Variants in PFKFB3 observed in about 807,000 individuals in gnomAD.
PFKFB3 encodes the protein 6-phosphofructo-2-kinase/fructose-2,6-biphosphatase 3, also known as 6-phosphofructo-2-kinase/fructose-2,6-bisphosphatase 3.
Under a neutral mutation model 68.0 loss-of-function variants are expected in PFKFB3, and 33 were observed. The ratio of observed to expected loss-of-function variants is 0.49; its 90% CI spans 0.37 to 0.65. The LOEUF (loss-of-function observed/expected upper bound fraction) is 0.65. Among genes scored for constraint, PFKFB3 ranks in the 30% least tolerant of loss-of-function variants. The pLI is 0.00. For synonymous variants in PFKFB3, 315 were observed against 288.2 expected (o/e 1.09, Z -0.94); for missense variants, 586 against 712.2 (o/e 0.82, Z 2.02).
chr10:6,235,602 C>G (rs569932565), downstream of PFKFB3: 2 of 152,222 alleles, frequency 1.3e-5, no homozygotes, highest in Non-Finnish European at 2.9e-5. Flanking sequence ...ACGGCAGATG[C>G]GCCACGGAGC....
At chr10:6,306,159 G>C in the PFKFB3 span, among the ~76,000 whole-genome samples, 2 of 152,166 alleles carry the variant, frequency 1.3e-5, no homozygotes, top group Non-Finnish European at 2.9e-5. Flanking sequence ...TGGGCCTCAT[G>C]AGTGGCTGGC....
the PFKFB3 span, among the ~76,000 whole-genome samples, chr10:6,317,006 T>C: frequency 6.6e-6 from 1 of 152,164 alleles, no homozygotes; most frequent in Non-Finnish European, 1.5e-5. Flanking sequence ...ACAGACTGTA[T>C]GGAGAATCTA....
At chr10:6,267,757 C>G in the PFKFB3 span, among the ~76,000 whole-genome samples, 1 of 151,776 alleles carries the variant, frequency 6.6e-6, no homozygotes, top group African/African-American at 2.4e-5. Flanking sequence ...GAGTTCGAGA[C>G]CAGCCTGGCC....
At chr10:6,221,303 G>A in intron 8 of PFKFB3, 78 bp from the exon 9 acceptor site, 1 of 1,562,638 alleles carries the variant, frequency 6.4e-7, no homozygotes, top group South Asian at 1.2e-5. Flanking sequence ...AGCCCTACGT[G>A]GGCTGCCTGC....
chr10:6,256,416 G>T (rs1339870285), downstream of PFKFB3, among the ~76,000 whole-genome samples: 1 of 149,448 alleles, frequency 6.7e-6, no homozygotes, highest in Non-Finnish European at 1.5e-5. Flanking sequence ...TTCTTCCAAG[G>T]ATGTGCATGA....
At chr10:6,178,397 G>A (rs674430) in intron 1 of PFKFB3, among the ~76,000 whole-genome samples, 80,133 of 152,106 alleles carry the variant, frequency 0.53, 22,811 homozygotes, top group Non-Finnish European at 0.65. Context: ...AGAGAACAGC[G>A]AAGGAGGCGT....
At chr10:6,182,316 G>A (rs1192269972) in intron 1 of PFKFB3, among the ~76,000 whole-genome samples, 1 of 152,030 alleles carries the variant, frequency 6.6e-6, no homozygotes, top group African/African-American at 2.4e-5. Flanking sequence ...GTCTAGACTG[G>A]GGGTCTGGGT....
At chr10:6,313,683 G>C in the PFKFB3 span, among the ~76,000 whole-genome samples, 27 of 152,152 alleles carry the variant, frequency 1.8e-4, no homozygotes, top group African/African-American at 6.0e-4. This position sits in a 1 kb window ranked among gnomAD's most constrained non-coding sequence, Gnocchi z 4.2. Context: ...TAGATGATGA[G>C]CTAATGGAGA....
intron 1 of PFKFB3, among the ~76,000 whole-genome samples, chr10:6,187,908 G>T (rs139197022): frequency 5.9e-5 from 9 of 152,120 alleles, no homozygotes; most frequent in African/African-American, 1.9e-4. Flanking sequence ...GATTCTGCAA[G>T]TGTTACCATT....
the PFKFB3 span, among the ~76,000 whole-genome samples, chr10:6,289,189 G>A: frequency 1.5e-5 from 2 of 134,890 alleles, no homozygotes; most frequent in Admixed American, 7.9e-5. Flanking sequence ...CTTTTGCTGT[G>A]CAGAAGCTCT....
intron 1 of PFKFB3, among the ~76,000 whole-genome samples, chr10:6,160,624 A>C (rs1183149474): frequency 1.3e-5 from 2 of 148,772 alleles, no homozygotes; most frequent in Non-Finnish European, 3.0e-5. Context: ...AGGCTGAGGC[A>C]GGAGAATTGC....
intron 14 of PFKFB3, among the ~76,000 whole-genome samples, chr10:6,249,196 A>G (rs1053663165): frequency 6.1e-5 from 9 of 148,252 alleles, no homozygotes; most frequent in Non-Finnish European, 1.2e-4. Flanking sequence ...AAAAAAAAAA[A>G]AAAAAAAGAA....
In PFKFB3 at chr10:6,203,074, G is replaced by A; in HGVS notation, c.-187G>A. On this transcript the variant is annotated 5_prime_UTR_variant, in exon 1 of 15. Transcript: ENST00000379775. ...CCTCGCTACCCTCGCAGCACACGTCGAGCCCCGCACAGGCGAGGGTCCGGA... is the reference window on the plus strand; with the variant it reads ...CCTCGCTACCCTCGCAGCACACGTCAAGCCCCGCACAGGCGAGGGTCCGGA... 7.1e-7 allele frequency: 1 copy of A among 1,408,462 alleles called. No homozygotes were observed. Among genetic ancestry groups the A allele is most frequent in the Non-Finnish European group, 9.2e-7 (1 of 1,086,394 alleles). The allele number at this position is 1,408,462 out of a possible 1,614,324, so 87.2% of individuals were successfully genotyped here.
At position 6,228,810 on chromosome 10, in the gene PFKFB3, C is replaced by T. The variant is rs935000537; in HGVS notation, c.1515+2445C>T. On this transcript the variant is annotated intron_variant, in intron 14 of 14. Transcript: ENST00000379775. This position sits in a 1 kb window ranked among gnomAD's most constrained non-coding sequence, Gnocchi z 4.5. ...CGTTTGTCCTGGGTTGGAGCCTGCTCAGCGTCATAGTCACGCCCGGGGCTG... is the reference window on the plus strand; with the variant it reads ...CGTTTGTCCTGGGTTGGAGCCTGCTTAGCGTCATAGTCACGCCCGGGGCTG... 2.0e-5 allele frequency among the ~76,000 whole-genome samples: 3 copies of T among 152,222 alleles called. No homozygotes were observed. The highest frequency in any genetic ancestry group is 6.5e-5 in the Admixed American group (1 of 15,288).
rs116774429 is a variant in PFKFB3, at chr10:6,162,286, G to A, written c.16+17273G>A. On this transcript the variant is annotated intron_variant, in intron 1 of 14. Transcript: ENST00000379789. ...CATTTTGTGTATCCATTCATCTGTTGTTGGACACATGGATTACTCTACCTT... is the reference window on the plus strand; with the variant it reads ...CATTTTGTGTATCCATTCATCTGTTATTGGACACATGGATTACTCTACCTT... 3.3e-3 allele frequency among the ~76,000 whole-genome samples: 501 copies of A among 152,254 alleles called. 6 individuals carry two copies. The highest frequency in any genetic ancestry group is 0.012 in the African/African-American group (479 of 41,538).
chr10:6,221,246 G>A (rs1844936216), intron 8 of PFKFB3, 135 bp from the exon 9 acceptor site: 1 of 969,280 alleles, frequency 1.0e-6, no homozygotes, highest in African/African-American at 1.6e-5. Flanking sequence ...TGCGGCTGTG[G>A]CTGTCCCAGT....
At chr10:6,313,640 C>CAATGCAA in the PFKFB3 span, among the ~76,000 whole-genome samples, 5 of 152,140 alleles carry the variant, frequency 3.3e-5, no homozygotes, top group Non-Finnish European at 5.9e-5. The surrounding 1 kb of genome is among the most constrained non-coding windows in gnomAD (Gnocchi z 4.2). Flanking sequence ...GGCTGTGCTG[C>CAATGCAA]GGTTTCATGA....
the PFKFB3 span, among the ~76,000 whole-genome samples, chr10:6,324,500 C>T: frequency 7.2e-5 from 11 of 152,148 alleles, no homozygotes; most frequent in Non-Finnish European, 1.2e-4. Context: ...GATCTCGGCT[C>T]ACTGCAACCT....
the PFKFB3 span, among the ~76,000 whole-genome samples, chr10:6,282,360 C>T: frequency 6.6e-6 from 1 of 152,156 alleles, no homozygotes; most frequent in Non-Finnish European, 1.5e-5. Context: ...ATAACATACC[C>T]TTGGGCGGCT....
Sources: allele counts gnomAD v4.1 joint callset (sites outside exome capture counted in the v4.1 genomes callset), GRCh38; gene constraint gnomAD v4.1.1; non-coding constraint Gnocchi (gnomAD v3.1); transcripts MANE v1.5; gene names NCBI Gene and HGNC (gene_info 2026-07-23, HGNC 2026-07-21).